ZNF76: variants seen among roughly 807,000 people sequenced by gnomAD.
ZNF76 encodes zinc finger protein 523.
Under a neutral mutation model 66.9 loss-of-function variants are expected in ZNF76, and 66 were observed. The ratio of observed to expected loss-of-function variants is 0.99; its 90% CI spans 0.81 to 1.21. The LOEUF (loss-of-function observed/expected upper bound fraction) is 1.21, where lower values mean the gene tolerates loss of function less well. Among genes scored for constraint, ZNF76 ranks in the 50% most tolerant of loss-of-function variants. The pLI is 0.00. For missense variants in ZNF76, 729 were observed against 760.3 expected (o/e 0.96, Z 0.48); for synonymous variants, 275 against 296.1 (o/e 0.93, Z 0.73).
intron 5 of ZNF76, chr6:35,288,047 A>G (rs1283694974): frequency 4.2e-6 from 3 of 717,408 alleles, no homozygotes; most frequent in Non-Finnish European, 7.5e-6. Flanking sequence ...AGGGCATGCA[A>G]CACAGCCTGG....
At chr6:35,280,062 C>T (rs1197413747) in intron 1 of ZNF76, among the ~76,000 whole-genome samples, 1 of 151,488 alleles carries the variant, frequency 6.6e-6, no homozygotes, top group Non-Finnish European at 1.5e-5. Flanking sequence ...AACTCCTAGC[C>T]TCAAATAATC....
chr6:35,273,044 T>C (rs1787344000), intron 1 of ZNF76, among the ~76,000 whole-genome samples: 1 of 151,846 alleles, frequency 6.6e-6, no homozygotes, highest in Non-Finnish European at 1.5e-5. Flanking sequence ...TAATCCCAGC[T>C]ACTCTGGAGG....
At chr6:35,288,678 CG>C in intron 5 of ZNF76, among the ~76,000 whole-genome samples, 1 of 152,260 alleles carries the variant, frequency 6.6e-6, no homozygotes, top group East Asian at 1.9e-4. Flanking sequence ...AAGCACAGGC[CG>C]GGAGCAGAGG....
At chr6:35,265,925 T>C (rs561700592) in intron 1 of ZNF76, among the ~76,000 whole-genome samples, 28 of 152,256 alleles carry the variant, frequency 1.8e-4, no homozygotes, top group African/African-American at 6.3e-4. Context: ...GAAAAGGTCA[T>C]TGTGGCTGCT....
At chr6:35,268,678 A>G (rs554907486) in intron 1 of ZNF76, among the ~76,000 whole-genome samples, 15 of 150,722 alleles carry the variant, frequency 1.0e-4, no homozygotes, top group African/African-American at 3.2e-4. Context: ...CGTGCAGGAG[A>G]ATTGCTTGAA....
chr6:35,280,059 A>C (rs1788531138), intron 1 of ZNF76, among the ~76,000 whole-genome samples: 1 of 149,574 alleles, frequency 6.7e-6, no homozygotes, highest in Non-Finnish European at 1.5e-5. Context: ...TTGAACTCCT[A>C]GCCTCAAATA....
chr6:35,261,822 C>T (rs1328638802), intron 1 of ZNF76, among the ~76,000 whole-genome samples: 1 of 152,068 alleles, frequency 6.6e-6, no homozygotes, highest in Non-Finnish European at 1.5e-5. Flanking sequence ...GCCCTGACCC[C>T]CAAGGTTTCT....
Position 35,295,788 on chromosome 6 carries a change from G to A in ZNF76, c.*540G>A, listed in dbSNP as rs983930342. ...AGGGGCCTGTGGCTGAAGAAAAGGT[G>A]CCCAGCCCCCACCACTCCTCAGCTG... On this transcript the variant is annotated 3_prime_UTR_variant, in exon 14 of 14. Transcript: ENST00000373953. The A allele has an allele frequency of 5.3e-6, 1 of 188,286 alleles. No individual in the cohort carries two copies. Among genetic ancestry groups the A allele is most frequent in the South Asian group, 1.1e-4 (1 of 9,518 alleles). 11.7% of individuals were successfully genotyped at this position (188,286 alleles called of 1,614,324 possible). A position where few individuals can be genotyped will look rare whatever the true frequency, so the allele number is the denominator to read the frequency against.
At chr6:35,268,739 C>T (rs569951458) in intron 1 of ZNF76, among the ~76,000 whole-genome samples, 24 of 150,632 alleles carry the variant, frequency 1.6e-4, no homozygotes, top group Admixed American at 1.3e-4. Context: ...CACCATTGCT[C>T]TCCAGCCTGG....
intron 1 of ZNF76, among the ~76,000 whole-genome samples, chr6:35,277,476 G>T (rs1294562713): frequency 6.6e-6 from 1 of 152,240 alleles, no homozygotes; most frequent in African/African-American, 2.4e-5. Context: ...CTTCACCTCT[G>T]TGCTTCGCAG....
At chr6:35,273,026 C>T (rs755296428) in intron 1 of ZNF76, among the ~76,000 whole-genome samples, 2 of 151,904 alleles carry the variant, frequency 1.3e-5, no homozygotes, top group African/African-American at 4.8e-5. Flanking sequence ...CCTGGTGGCG[C>T]GCACCTGTAA....
intron 1 of ZNF76, among the ~76,000 whole-genome samples, chr6:35,276,533 C>A (rs1191490336): frequency 6.6e-6 from 1 of 152,204 alleles, no homozygotes; most frequent in East Asian, 1.9e-4. Context: ...ATCTGAGGCT[C>A]AGAGAGCCTG....
chr6:35,291,678 A>G lies in ZNF76; in HGVS notation c.872A>G (p.His291Arg), dbSNP rs756463580. The change falls in exon 9 of 14, where the codon CAC becomes CGC. Residue 291 changes from histidine (H) to arginine (R), a missense_variant. By Grantham distance (29) the His-to-Arg change is conservative (BLOSUM62 0). Transcript: ENST00000373953. ...AGGCCCTACACCTGCCCGGAGCCCC[A>G]CTGTGGCCGCGGCTTCACCAGCGCC... ...GERPYTCPEP[H>R]CGRGFTSATN... 1 of 1,613,552 alleles carries G rather than the reference A, an allele frequency of 6.2e-7. No homozygotes were observed. Among genetic ancestry groups the G allele is most frequent in the Admixed American group, 1.7e-5 (1 of 60,020 alleles).
At chr6:35,260,466 A>G (rs10080361) in intron 1 of ZNF76, among the ~76,000 whole-genome samples, 103,038 of 152,052 alleles carry the variant, frequency 0.68, 38,037 homozygotes, top group Non-Finnish European at 0.82. Context: ...GTCTGCCTTT[A>G]TCCTAAAATC....
chr6:35,270,471 A>G (rs1282729130), intron 1 of ZNF76: 1 of 152,118 alleles, frequency 6.6e-6, no homozygotes, highest in Non-Finnish European at 1.5e-5. Flanking sequence ...TTCCCTGAAA[A>G]GTCGCCCTTC....
At chr6:35,277,892 C>T (rs1472603441) in intron 1 of ZNF76, among the ~76,000 whole-genome samples, 1 of 152,192 alleles carries the variant, frequency 6.6e-6, no homozygotes, top group East Asian at 1.9e-4. Context: ...CGGAGTCTCA[C>T]TCTGTCGCCC....
At chr6:35,270,011 T>G (rs1019852866) in intron 1 of ZNF76, among the ~76,000 whole-genome samples, 1 of 152,224 alleles carries the variant, frequency 6.6e-6, no homozygotes, top group Non-Finnish European at 1.5e-5. Flanking sequence ...GACTCTCCAT[T>G]CCTCATGTAT....
chr6:35,267,015 G>T (rs188882231), intron 1 of ZNF76, among the ~76,000 whole-genome samples: 182 of 152,002 alleles, frequency 1.2e-3, no homozygotes, highest in Non-Finnish European at 2.0e-3. Flanking sequence ...TAACCAGGAT[G>T]GTCTCTATCT....
At position 35,292,432 on chromosome 6, in the gene ZNF76, G is replaced by C. The variant is rs1005179059; in HGVS notation, c.932-122G>C. The C allele has an allele frequency of 5.2e-6, 5 of 960,262 alleles. No individual in the cohort carries two copies. The African/African-American group carries it at 8.0e-5, about 15-fold the overall frequency. The allele number at this position is 960,262 out of a possible 1,614,324, so 59.5% of individuals were successfully genotyped here. On this transcript the variant is annotated intron_variant, in intron 9 of 13. Transcript: ENST00000373953. This position sits in a 1 kb window ranked among gnomAD's most constrained non-coding sequence, Gnocchi z 4.7. ...CCAACCCTGTCCATTCAGAGTCTCA[G>C]GTCTCAGTCCCTCTCCCTCCCTCTG...
Sources: allele counts gnomAD v4.1 joint callset (sites outside exome capture counted in the v4.1 genomes callset), GRCh38; gene constraint gnomAD v4.1.1; non-coding constraint Gnocchi (gnomAD v3.1); transcripts MANE v1.5; gene names NCBI Gene and HGNC (gene_info 2026-07-23, HGNC 2026-07-21).